SLC5A5: variants seen among roughly 807,000 people sequenced by gnomAD.
SLC5A5 encodes the protein solute carrier family 5 member 5.
A neutral mutation model predicts 68.6 loss-of-function variants in SLC5A5; 56 were observed. The ratio of observed to expected loss-of-function variants is 0.82; its 90% CI spans 0.66 to 1.02. The LOEUF is 1.02. Ranked by LOEUF, SLC5A5 falls within the 50% of genes least tolerant of loss-of-function variation. SLC5A5 has a pLI of 0.00. For missense variants in SLC5A5, 807 were observed against 859.8 expected (o/e 0.94, Z 0.77); for synonymous variants, 398 against 373.0 (o/e 1.07, Z -0.77).
rs376277243 is a variant in SLC5A5, at chr19:17,874,216, G to C, written c.423+13G>C. 1 of 1,588,600 alleles carries C rather than the reference G, an allele frequency of 6.3e-7. No individual in the cohort carries two copies. Among genetic ancestry groups the C allele is most frequent in the African/African-American group, 1.3e-5 (1 of 74,366 alleles). The stretch of plus-strand genomic sequence containing the variant: ...CATTGTAGCCACGGTGAGTGGCCTC[G>C]GCCCCGCCCTCCGCTCAGGGCCCCG... On this transcript the variant is annotated intron_variant, in intron 2 of 14. Coordinates refer to ENST00000222248, the MANE Select transcript of SLC5A5 (RefSeq NM_000453.3).
In SLC5A5 at chr19:17,874,264, C is replaced by T; in HGVS notation, c.423+61C>T. 5 of 1,239,738 alleles carry T rather than the reference C, an allele frequency of 4.0e-6. No individual in the cohort carries two copies. The South Asian group carries it at 4.8e-5, about 12-fold the overall frequency. The allele number at this position is 1,239,738 out of a possible 1,614,324, so 76.8% of individuals were successfully genotyped here. On this transcript the variant is annotated intron_variant, in intron 2 of 14. Transcript: ENST00000222248. ...CCGAGAGCGTCAGCCTTCACTAGCC[C>T]GGCCCCCACCATTCAAGACCCCGCC...
intron 12 of SLC5A5, among the ~76,000 whole-genome samples, chr19:17,885,886 G>T (rs1379459000): frequency 1.3e-5 from 2 of 151,910 alleles, no homozygotes; most frequent in Non-Finnish European, 2.9e-5. Flanking sequence ...TTTGAGACGG[G>T]GTTTCACTTT....
intron 10 of SLC5A5, among the ~76,000 whole-genome samples, chr19:17,882,597 C>A (rs1157969949): frequency 6.7e-6 from 1 of 149,838 alleles, no homozygotes; most frequent in Non-Finnish European, 1.5e-5. Context: ...CTCGCTGCAA[C>A]CTCCACCCCC....
At chr19:17,872,802 G>T in intron 1 of SLC5A5, 126 bp downstream of exon 1, 1 of 695,632 alleles carries the variant, frequency 1.4e-6, no homozygotes, top group Non-Finnish European at 2.5e-6. Flanking sequence ...TGCTTTAACG[G>T]AAGGGGCCCC....
intron 7 of SLC5A5, 103 bp downstream of exon 7, chr19:17,878,196 G>A (rs185681066): frequency 1.4e-6 from 2 of 1,380,196 alleles, no homozygotes; most frequent in Admixed American, 1.7e-5. Flanking sequence ...CTGTGCAAAG[G>A]CCAAGAAGTA....
Position 17,894,772 on chromosome 19 carries a change from C to G in SLC5A5, c.*895C>G, listed in dbSNP as rs2030345987. The G allele has an allele frequency of 1.3e-5, 2 of 152,276 alleles. No homozygotes were observed. Among genetic ancestry groups the G allele is most frequent in the East Asian group, 1.9e-4 (1 of 5,192 alleles). 9.4% of individuals were successfully genotyped at this position (152,276 alleles called of 1,614,324 possible). On this transcript the variant is annotated 3_prime_UTR_variant, in exon 15 of 15. Coordinates refer to ENST00000222248, the MANE Select transcript of SLC5A5 (RefSeq NM_000453.3). ...CCCTCCTCACCTGACAATGGAGGCTCTCGAATTGGGTTGTGTCCCCCCAAA... is the reference window on the plus strand; with the variant it reads ...CCCTCCTCACCTGACAATGGAGGCTGTCGAATTGGGTTGTGTCCCCCCAAA...
At position 17,893,790 on chromosome 19, in the gene SLC5A5, G is replaced by A. The variant is rs1163818455; in HGVS notation, c.1845G>A (p.Leu615=). The A allele has an allele frequency of 6.2e-7, 1 of 1,612,586 alleles. No homozygotes were observed. The highest frequency in any genetic ancestry group is 1.7e-5 in the Admixed American group (1 of 59,794). The part of the protein sequence containing the change: ...LPTNEDRLFF[L]GQKELEGAGS... Reference sequence around the variant, plus strand: ...CCAATGAGGATCGTCTGTTTTTCTTGGGGCAGAAGGAGCTGGAGGGGGCTG... The same window carrying A: ...CCAATGAGGATCGTCTGTTTTTCTTAGGGCAGAAGGAGCTGGAGGGGGCTG... The change falls in exon 15 of 15, where the codon TTG becomes TTA. Residue 615 remains leucine (L), a synonymous_variant. Transcript: ENST00000222248.
intron 8 of SLC5A5, 74 bp downstream of exon 8, chr19:17,881,027 C>A: frequency 9.0e-7 from 1 of 1,110,916 alleles, no homozygotes; most frequent in Non-Finnish European, 1.4e-6. Flanking sequence ...TGCCATCCCT[C>A]TGGGGCATGG....
intron 10 of SLC5A5, among the ~76,000 whole-genome samples, chr19:17,883,318 G>GT (rs2094325122): frequency 1.3e-5 from 2 of 151,670 alleles, no homozygotes; most frequent in Non-Finnish European, 1.5e-5. Flanking sequence ...TGGGAAGGGG[G>GT]AGGTGGCGAC....
Position 17,877,715 on chromosome 19 carries a change from C to A in SLC5A5, c.699-8C>A. 6.2e-7 allele frequency: 1 copy of A among 1,614,040 alleles called. No individual in the cohort carries two copies. The highest frequency in any genetic ancestry group is 8.5e-7 in the Non-Finnish European group (1 of 1,180,014). On this transcript the variant is annotated splice_region_variant and splice_polypyrimidine_tract_variant and intron_variant, in intron 5 of 14. Coordinates refer to ENST00000222248, the MANE Select transcript of SLC5A5 (RefSeq NM_000453.3). ...TCCACGTGGCTAACTTGCCCTGTCCCCACCCAGCTTTAACCCTGACCCGAG... is the reference window on the plus strand; with the variant it reads ...TCCACGTGGCTAACTTGCCCTGTCCACACCCAGCTTTAACCCTGACCCGAG...
chr19:17,888,442 C>CAGCT lies in SLC5A5; in HGVS notation c.1639_1642dup (p.Cys548Ter). ...CCACTGTGCTGTGCGGAGCCCTCAT[C>CAGCT]AGCTGCCTGACAGGTAGGTAAACAG... On this transcript the variant is annotated frameshift_variant, in exon 13 of 15. Transcript: ENST00000222248. LOFTEE classifies it high-confidence loss of function. 6.2e-7 allele frequency: 1 copy of CAGCT among 1,613,870 alleles called. No homozygotes were observed. The highest frequency in any genetic ancestry group is 8.5e-7 in the Non-Finnish European group (1 of 1,180,014).
In SLC5A5 at chr19:17,878,030, CAT is replaced by C; in HGVS notation, c.907_908del (p.Met303ValfsTer6). On this transcript the variant is annotated frameshift_variant, in exon 7 of 15. Coordinates refer to ENST00000222248, the MANE Select transcript of SLC5A5 (RefSeq NM_000453.3). ...VSSAACCGIV[M>X]FVFYTDCDPL... The stretch of plus-strand genomic sequence containing the variant: ...CCAGCGCTGCCTGCTGTGGCATCGT[CAT>C]GTTTGTGTTCTACACTGACTGCGAC... The C allele has an allele frequency of 6.2e-7, 1 of 1,613,276 alleles. No homozygotes were observed. Among genetic ancestry groups the C allele is most frequent in the Non-Finnish European group, 8.5e-7 (1 of 1,180,004 alleles).
At position 17,874,187 on chromosome 19, in the gene SLC5A5, A is replaced by T; in HGVS notation, c.407A>T (p.Gln136Leu). Residue 136 changes from glutamine to leucine, a missense_variant, in exon 2 of 15, where the codon CAG becomes CTG. Physicochemically the swap from Gln to Leu is moderately radical, Grantham distance 113. Coordinates refer to ENST00000222248, the MANE Select transcript of SLC5A5 (RefSeq NM_000453.3). ...GCAGTGCGGCTCTGCGGGACTTTGC[A>T]GTACATTGTAGCCACGGTGAGTGGC... is the stretch of plus-strand genomic sequence containing the variant. The part of the protein sequence containing the change: ...SRAVRLCGTL[Q>L]YIVATMLYTG... 6.2e-7 allele frequency: 1 copy of T among 1,611,462 alleles called. No individual in the cohort carries two copies. Among genetic ancestry groups the T allele is most frequent in the Non-Finnish European group, 8.5e-7 (1 of 1,178,246 alleles).
chr19:17,877,294 AT>A (rs1023656339), intron 5 of SLC5A5, among the ~76,000 whole-genome samples: 2 of 151,672 alleles, frequency 1.3e-5, no homozygotes, highest in Non-Finnish European at 2.9e-5. Flanking sequence ...TTTATTATTT[AT>A]TTATTTTTAA....
chr19:17,885,460 C>T (rs747838900), intron 12 of SLC5A5, among the ~76,000 whole-genome samples: 2 of 150,678 alleles, frequency 1.3e-5, no homozygotes, highest in Non-Finnish European at 3.0e-5. Context: ...GCTCACTGCA[C>T]CATTGACCTC....
At chr19:17,879,304 A>AAAAAC (rs907542784) in intron 7 of SLC5A5, among the ~76,000 whole-genome samples, 4 of 152,200 alleles carry the variant, frequency 2.6e-5, no homozygotes, top group African/African-American at 4.8e-5. Context: ...AAACAAAAAT[A>AAAAAC]AAAACAAAAC....
chr19:17,893,002 CTT>C (rs72280707), intron 14 of SLC5A5, among the ~76,000 whole-genome samples: 1 of 147,780 alleles, frequency 6.8e-6, no homozygotes, highest in Admixed American at 6.7e-5. Flanking sequence ...CTCTTCTTTT[CTT>C]TTTTTTCTTT....
At position 17,872,262 on chromosome 19, in the gene SLC5A5, T is replaced by C; in HGVS notation, c.-58T>C. ...CCTGCCTCCTCGGCCCCTGCCAGCT[T>C]CCCCCGCTTGAGCACGCAGGGCGTC... On this transcript the variant is annotated 5_prime_UTR_variant, in exon 1 of 15. Coordinates refer to ENST00000222248, the MANE Select transcript of SLC5A5 (RefSeq NM_000453.3). 1.0e-6 allele frequency: 1 copy of C among 962,760 alleles called. No homozygotes were observed. The highest frequency in any genetic ancestry group is 4.0e-5 in the East Asian group (1 of 24,912). 59.6% of individuals were successfully genotyped at this position (962,760 alleles called of 1,614,324 possible). A position where few individuals can be genotyped will look rare whatever the true frequency, so the allele number is the denominator to read the frequency against.
At chr19:17,893,219 C>T (rs945218870) in intron 14 of SLC5A5, among the ~76,000 whole-genome samples, 2 of 151,140 alleles carry the variant, frequency 1.3e-5, no homozygotes, top group East Asian at 1.9e-4. Flanking sequence ...TCCCATCTTT[C>T]AACCTCCTGA....
Sources: gnomAD v4.1 joint callset for allele counts (sites outside exome capture counted in the v4.1 genomes callset) on GRCh38, gnomAD v4.1.1 for gene constraint, MANE v1.5 for transcripts, NCBI Gene and HGNC (gene_info 2026-07-23, HGNC 2026-07-21) for gene names.